Variants in ADAMTS17 observed in about 807,000 individuals in gnomAD.
ADAMTS17 encodes A disintegrin and metalloproteinase with thrombospondin motifs 17.
A neutral mutation model predicts 141.5 loss-of-function variants in ADAMTS17; 113 were observed. The observed-to-expected ratio is 0.80, with a 90% CI of 0.69 to 0.93. The LOEUF (loss-of-function observed/expected upper bound fraction) is 0.93, where lower values mean the gene tolerates loss of function less well. ADAMTS17 is among the 40% of genes least tolerant of loss of function. ADAMTS17 has a pLI of 0.00. For synonymous variants in ADAMTS17, 768 were observed against 630.6 expected (o/e 1.22, Z -3.27); for missense variants, 1,659 against 1,517.9 (o/e 1.09, Z -1.54).
intron 7 of ADAMTS17, among the ~76,000 whole-genome samples, chr15:100,220,687 C>A (rs903422857): frequency 6.6e-6 from 1 of 152,158 alleles, no homozygotes; most frequent in Admixed American, 6.5e-5. Flanking sequence ...TCCTCCTCCC[C>A]GAGCCCCTGG....
intron 15 of ADAMTS17, among the ~76,000 whole-genome samples, chr15:100,068,232 AGTAG>A (rs2033696692): frequency 6.6e-6 from 1 of 151,532 alleles, no homozygotes; most frequent in South Asian, 2.1e-4. Flanking sequence ...TCCAGGCTTG[AGTAG>A]GTAAACAAAG....
At chr15:100,139,084 G>A (rs1596535349) in intron 10 of ADAMTS17, among the ~76,000 whole-genome samples, 1 of 152,002 alleles carries the variant, frequency 6.6e-6, no homozygotes, top group East Asian at 1.9e-4. Flanking sequence ...GCATTAAAAA[G>A]GGCGAAACAG....
At chr15:100,228,505 C>G (rs1042139661) in intron 7 of ADAMTS17, among the ~76,000 whole-genome samples, 9 of 152,138 alleles carry the variant, frequency 5.9e-5, no homozygotes, top group African/African-American at 2.2e-4. Flanking sequence ...AATGAACTAA[C>G]TGAAAGAGGG....
intron 12 of ADAMTS17, among the ~76,000 whole-genome samples, chr15:100,126,972 C>G (rs922469807): frequency 6.6e-6 from 1 of 152,210 alleles, no homozygotes; most frequent in Non-Finnish European, 1.5e-5. Flanking sequence ...ACTTAAGCAG[C>G]ACCCCATTTG....
chr15:100,243,084 T>G (rs1469315271), intron 7 of ADAMTS17, among the ~76,000 whole-genome samples: 1 of 152,226 alleles, frequency 6.6e-6, no homozygotes, highest in Non-Finnish European at 1.5e-5. Flanking sequence ...TCACTATTCA[T>G]CCTTTTGTGA....
intron 14 of ADAMTS17, among the ~76,000 whole-genome samples, chr15:100,096,700 A>G (rs768030477): frequency 1.8e-5 from 1 of 55,478 alleles, no homozygotes; most frequent in East Asian, 5.3e-4. Flanking sequence ...TGTAAAGTCT[A>G]TTTTTTGGTA....
chr15:100,104,048 CTGAAT>C (rs2036279023), intron 14 of ADAMTS17, among the ~76,000 whole-genome samples: 1 of 152,210 alleles, frequency 6.6e-6, no homozygotes, highest in African/African-American at 2.4e-5. Context: ...GAAGTAGGAA[CTGAAT>C]TGGAGAATGT....
chr15:100,060,014 A>G (rs908291287), intron 15 of ADAMTS17, among the ~76,000 whole-genome samples: 2 of 152,166 alleles, frequency 1.3e-5, no homozygotes, highest in Admixed American at 1.3e-4. Context: ...TGAAATCAGG[A>G]TATTGTTGGA....
intron 13 of ADAMTS17, among the ~76,000 whole-genome samples, chr15:100,110,646 C>A (rs1218324800): frequency 2.6e-5 from 4 of 152,180 alleles, no homozygotes; most frequent in African/African-American, 9.7e-5. Flanking sequence ...ATGCATTTTT[C>A]TCCTCTCTCT....
chr15:100,137,594 T>C (rs1219427441), intron 10 of ADAMTS17, among the ~76,000 whole-genome samples: 1 of 152,228 alleles, frequency 6.6e-6, no homozygotes, highest in Non-Finnish European at 1.5e-5. Context: ...CAGACAGGGC[T>C]GCTCTTCCAG....
At chr15:100,321,226 G>T (rs2045723824) in intron 3 of ADAMTS17, among the ~76,000 whole-genome samples, 1 of 152,118 alleles carries the variant, frequency 6.6e-6, no homozygotes. Context: ...CACACCAGTG[G>T]AAGAGAGAAG....
chr15:100,215,606 A>G (rs540710601), intron 7 of ADAMTS17, among the ~76,000 whole-genome samples: 98 of 152,198 alleles, frequency 6.4e-4, no homozygotes, highest in African/African-American at 2.2e-3. Flanking sequence ...GCTGATAGTC[A>G]GGGAAGTCTA....
intron 12 of ADAMTS17, among the ~76,000 whole-genome samples, chr15:100,124,104 C>T (rs866520098): frequency 2.1e-4 from 32 of 152,054 alleles, no homozygotes; most frequent in African/African-American, 7.7e-4. Flanking sequence ...GCTAAGATTA[C>T]AGGTGTGCGC....
Position 100,199,521 on chromosome 15 carries a change from G to A in ADAMTS17, c.1076-98C>T, listed in dbSNP as rs942151328. On this transcript the variant is annotated intron_variant, in intron 7 of 21. Transcript: ENST00000268070. ...GTCAACGTCATGCACAATCAAGGCAGGCACACGGCAACAATGGTGACTATG... is the reference window on the plus strand; with the variant it reads ...GTCAACGTCATGCACAATCAAGGCAAGCACACGGCAACAATGGTGACTATG... 1.0e-5 allele frequency: 10 copies of A among 981,982 alleles called. No homozygotes were observed. The African/African-American group carries it at 1.1e-4, about 11-fold the overall frequency. The allele number at this position is 981,982 out of a possible 1,614,324, so 60.8% of individuals were successfully genotyped here.
At chr15:100,166,554 G>A (rs2039960093) in intron 8 of ADAMTS17, among the ~76,000 whole-genome samples, 1 of 152,192 alleles carries the variant, frequency 6.6e-6, no homozygotes, top group Non-Finnish European at 1.5e-5. Flanking sequence ...GTTAAGGAAG[G>A]TTTCTTGTAA....
chr15:100,113,646 G>T (rs187207595), intron 13 of ADAMTS17, among the ~76,000 whole-genome samples: 4 of 152,370 alleles, frequency 2.6e-5, no homozygotes, highest in Admixed American at 2.6e-4. Context: ...TGCAGTGGGT[G>T]CACGGGGTTG....
intron 20 of ADAMTS17, among the ~76,000 whole-genome samples, chr15:99,990,132 C>T (rs1468990473): frequency 6.6e-6 from 1 of 152,184 alleles, no homozygotes; most frequent in Non-Finnish European, 1.5e-5. Flanking sequence ...ACTTCCCTGG[C>T]TCAAGTGATC....
At chr15:100,010,397 T>C (rs146559336) in intron 18 of ADAMTS17, among the ~76,000 whole-genome samples, 64 of 152,334 alleles carry the variant, frequency 4.2e-4, no homozygotes, top group Non-Finnish European at 7.9e-4. Flanking sequence ...TGCACATCCC[T>C]TCCTTCTCTC....
At chr15:100,065,767 A>T (rs745606097) in intron 15 of ADAMTS17, among the ~76,000 whole-genome samples, 18 of 152,104 alleles carry the variant, frequency 1.2e-4, no homozygotes, top group Non-Finnish European at 2.1e-4. Flanking sequence ...GGTTTGTTAC[A>T]TATGTATACA....
Sources: allele counts gnomAD v4.1 joint callset (sites outside exome capture counted in the v4.1 genomes callset), GRCh38; gene constraint gnomAD v4.1.1; transcripts MANE v1.5; gene names NCBI Gene and HGNC (gene_info 2026-07-23, HGNC 2026-07-21).